The following NOTCH2 variants were observed in gnomAD, a reference collection of about 807,000 sequenced individuals.
NOTCH2 encodes the protein neurogenic locus notch homolog protein 2.
NOTCH2 carries 29 observed loss-of-function variants against 235.8 expected under a neutral mutation model. The ratio of observed to expected loss-of-function variants is 0.12; its 90% CI spans 0.09 to 0.17. The LOEUF is 0.17. Ranked by LOEUF, NOTCH2 falls within the 10% of genes least tolerant of loss-of-function variation. NOTCH2 has a pLI of 1.00. For missense variants in NOTCH2, 2,285 were observed against 3,150.2 expected (o/e 0.73, Z 6.57); for synonymous variants, 1,086 against 1,141.5 (o/e 0.95, Z 0.98).
At chr1:119,917,232 G>C (rs587601053) in intron 33 of NOTCH2, among the ~76,000 whole-genome samples, 1 of 151,756 alleles carries the variant, frequency 6.6e-6, no homozygotes, top group Non-Finnish European at 1.5e-5. Flanking sequence ...AAAACTGAGA[G>C]AAGATGAATG....
chr1:119,937,335 G>A lies in NOTCH2; in HGVS notation c.3469C>T (p.Pro1157Ser). The A allele has an allele frequency of 1.2e-6, 2 of 1,614,090 alleles. No individual in the cohort carries two copies. The highest frequency in any genetic ancestry group is 2.2e-5 in the East Asian group (1 of 44,876). ...CTGCATGTTGCCCCGTGCTGGCAGG[G>A]GTTGGACGCACACTCATCGAGTTGC... Reference protein sequence around the residue: ...EEQLDECASNPCQHGATCSDF... With the variant: ...EEQLDECASNSCQHGATCSDF... Residue 1157 changes from proline to serine, a missense_variant, in exon 21 of 34, where the codon CCC becomes TCC. Around this residue, in one of 6 missense-constraint regions of NOTCH2, gnomAD observed 1,173 missense variants for 1,515.3 expected, o/e 0.77. Coordinates refer to ENST00000256646, the MANE Select transcript of NOTCH2 (RefSeq NM_024408.4).
chr1:119,948,385 G>A (rs1553197306), intron 17 of NOTCH2, 29 bp downstream of exon 17: 2 of 1,613,352 alleles, frequency 1.2e-6, no homozygotes. Flanking sequence ...CTCTCCTCTG[G>A]GGGCTTAAGA....
intron 8 of NOTCH2, among the ~76,000 whole-genome samples, chr1:119,966,718 A>C (rs1450206730): frequency 6.6e-6 from 1 of 152,208 alleles, no homozygotes; most frequent in African/African-American, 2.4e-5. Context: ...TTACATTAAA[A>C]GACATTGGCA....
chr1:119,937,576 C>G lies in NOTCH2; in HGVS notation c.3338-110G>C, dbSNP rs1179255984. On this transcript the variant is annotated intron_variant, in intron 20 of 33. Transcript: ENST00000256646. ...ACTGGCTGACACATCCAATCTTATT[C>G]TTAGCCAGTTCTTCACAACCCTCAG... The G allele has an allele frequency of 2.8e-6, 3 of 1,079,090 alleles. No homozygotes were observed. In the Admixed American group the frequency reaches 6.0e-5, roughly 21 times the overall value. 66.8% of individuals were successfully genotyped at this position (1,079,090 alleles called of 1,614,324 possible).
In NOTCH2 at chr1:119,915,193, C is replaced by G. The variant is rs1197557161; in HGVS notation, c.*113G>C. On this transcript the variant is annotated 3_prime_UTR_variant, in exon 34 of 34. Transcript: ENST00000256646. ...GAATAAGAACATCTTCTCTTTCCTA[C>G]CTCTAGAAGCTGGCTCCAGAGATTT... 1 of 1,109,108 alleles carries G rather than the reference C, an allele frequency of 9.0e-7. No homozygotes were observed. Among genetic ancestry groups the G allele is most frequent in the African/African-American group, 1.5e-5 (1 of 65,416 alleles). 68.7% of individuals were successfully genotyped at this position (1,109,108 alleles called of 1,614,324 possible).
chr1:120,007,622 G>A (rs587713620), intron 2 of NOTCH2, among the ~76,000 whole-genome samples: 342 of 151,620 alleles, frequency 2.3e-3, no homozygotes, highest in Middle Eastern at 0.017. Flanking sequence ...CCCGGGAGGC[G>A]GAGGTTGCAG....
chr1:120,000,852 A>T (rs587741036), intron 3 of NOTCH2, among the ~76,000 whole-genome samples: 1 of 152,234 alleles, frequency 6.6e-6, no homozygotes, highest in East Asian at 1.9e-4. Context: ...GATCATCCTA[A>T]CTACCCTCTA....
chr1:119,986,952 G>A lies in NOTCH2; in HGVS notation c.874+8C>T, dbSNP rs2101184673. ...CCCATTCTGGTGGATTCTCCACACT[G>A]TACATACCTGTCCATTGTGGGGGAC... is the stretch of plus-strand genomic sequence containing the variant. On this transcript the variant is annotated splice_region_variant and intron_variant, in intron 5 of 33. Transcript: ENST00000256646. 1 of 1,613,480 alleles carries A rather than the reference G, an allele frequency of 6.2e-7. No individual in the cohort carries two copies. Among genetic ancestry groups the A allele is most frequent in the South Asian group, 1.1e-5 (1 of 91,072 alleles).
At chr1:120,006,256 T>C (rs1248756613) in intron 2 of NOTCH2, among the ~76,000 whole-genome samples, 1 of 152,206 alleles carries the variant, frequency 6.6e-6, no homozygotes, top group Non-Finnish European at 1.5e-5. Context: ...AATCTGTTAA[T>C]ATTTAAGTAG....
At chr1:119,955,346 G>A (rs1557820587) in intron 12 of NOTCH2, 114 bp from the exon 13 acceptor site, 1 of 1,030,330 alleles carries the variant, frequency 9.7e-7, no homozygotes, top group Non-Finnish European at 1.5e-6. Flanking sequence ...AAGGTGCCTT[G>A]AGGCACCAAA....
chr1:119,931,476 C>T (rs1371381380), intron 22 of NOTCH2, among the ~76,000 whole-genome samples: 1 of 151,644 alleles, frequency 6.6e-6, no homozygotes, highest in Non-Finnish European at 1.5e-5. Context: ...TATTAACAGA[C>T]AAGCTGATTA....
intron 25 of NOTCH2, among the ~76,000 whole-genome samples, 179 bp downstream of exon 25, chr1:119,925,126 T>C (rs1649427808): frequency 6.6e-6 from 1 of 152,174 alleles, no homozygotes; most frequent in Non-Finnish European, 1.5e-5. Context: ...GCAATGAGCA[T>C]TCCTGGCCCA....
At chr1:119,946,926 T>G (rs1650274828) in intron 17 of NOTCH2, among the ~76,000 whole-genome samples, 1 of 152,250 alleles carries the variant, frequency 6.6e-6, no homozygotes, top group African/African-American at 2.4e-5. Flanking sequence ...GAATCTAAAC[T>G]ATCTAGAGGC....
In NOTCH2 at chr1:119,913,979, A is replaced by T. The variant is rs1490101794; in HGVS notation, c.*1327T>A. 1 of 232,960 alleles carries T rather than the reference A, an allele frequency of 4.3e-6. No homozygotes were observed. The highest frequency in any genetic ancestry group is 8.5e-6 in the Non-Finnish European group (1 of 117,920). The allele number at this position is 232,960 out of a possible 1,614,324, so 14.4% of individuals were successfully genotyped here. On this transcript the variant is annotated 3_prime_UTR_variant, in exon 34 of 34. Transcript: ENST00000256646. The stretch of plus-strand genomic sequence containing the variant: ...TGAGAACATACTGGGTATACCAGTA[A>T]CACGGACCACACGGTGTGAAAGAAA...
chr1:119,938,904 T>A (rs1334861488), intron 19 of NOTCH2, among the ~76,000 whole-genome samples: 1 of 152,114 alleles, frequency 6.6e-6, no homozygotes, highest in African/African-American at 2.4e-5. Flanking sequence ...ACGGTCTCGA[T>A]CTCCTGACCT....
Position 119,937,402 on chromosome 1 carries a change from G to A in NOTCH2, c.3402C>T (p.Tyr1134=), listed in dbSNP as rs113550272. 15 of 1,614,142 alleles carry A rather than the reference G, an allele frequency of 9.3e-6. No homozygotes were observed. The highest frequency in any genetic ancestry group is 4.0e-5 in the African/African-American group (3 of 75,050). ...GVCINAGNTH[Y]CQCPLGYTGS... ...CAGTATAGCCCAGGGGGCACTGACA[G>A]TAATGCGTGTTGCCAGCATTGATGC... The change falls in exon 21 of 34, where the codon TAC becomes TAT. Residue 1134 remains tyrosine (Y), a synonymous_variant. Transcript: ENST00000256646.
chr1:120,016,182 T>C (rs1653449600), intron 2 of NOTCH2, among the ~76,000 whole-genome samples: 1 of 116,788 alleles, frequency 8.6e-6, no homozygotes, highest in Non-Finnish European at 1.8e-5. Context: ...CACACACACA[T>C]ACACACTTTT....
chr1:119,915,949 T>G lies in NOTCH2; in HGVS notation c.6773A>C (p.Glu2258Ala), dbSNP rs1477411561. The G allele has an allele frequency of 6.2e-7, 1 of 1,614,088 alleles. No individual in the cohort carries two copies. The highest frequency in any genetic ancestry group is 1.1e-5 in the South Asian group (1 of 91,082). The change falls in exon 34 of 34, where the codon GAG (glutamate) becomes GCG (alanine). Residue 2258 changes from glutamate (E) to alanine (A), a missense_variant. This residue lies in a region of NOTCH2 where 504 missense variants were observed against 538.0 expected (regional missense o/e 0.94). Coordinates refer to ENST00000256646, the MANE Select transcript of NOTCH2 (RefSeq NM_024408.4). ...CTCATTGTACTGGGTCTCATTCACCTCCATGCGGTTCATCCAATCTGCTGG... is the reference window on the plus strand; with the variant it reads ...CTCATTGTACTGGGTCTCATTCACCGCCATGCGGTTCATCCAATCTGCTGG... ...PVPADWMNRM[E>A]VNETQYNEMF...
chr1:119,923,421 T>C (rs1649353900), intron 26 of NOTCH2, among the ~76,000 whole-genome samples: 1 of 152,200 alleles, frequency 6.6e-6, no homozygotes, highest in South Asian at 2.1e-4. Context: ...TTCCAGACAT[T>C]CTGCCTCCTG....
Sources: gnomAD v4.1 joint callset for allele counts (sites outside exome capture counted in the v4.1 genomes callset) on GRCh38, gnomAD v4.1.1 for gene constraint, gnomAD v4.1.1 regional missense constraint, MANE v1.5 for transcripts, NCBI Gene and HGNC (gene_info 2026-07-23, HGNC 2026-07-21) for gene names.